The following PAK1 variants were observed in gnomAD, a reference collection of about 807,000 sequenced individuals.
PAK1 encodes p21 (RAC1) activated kinase 1, also known as serine/threonine-protein kinase PAK 1.
In PAK1, 29 loss-of-function variants were observed where a neutral mutation model predicts 67.4. The ratio of observed to expected loss-of-function variants is 0.43; its 90% CI spans 0.32 to 0.59. The LOEUF is 0.59. PAK1 is among the 20% of genes least tolerant of loss of function. The pLI, the probability that PAK1 is intolerant of heterozygous loss-of-function variation, is 0.07. For missense variants in PAK1, 337 were observed against 670.7 expected (o/e 0.50, Z 5.50); for synonymous variants, 223 against 237.4 (o/e 0.94, Z 0.56).
the PAK1 span, among the ~76,000 whole-genome samples, chr11:77,495,964 T>C: frequency 6.6e-6 from 1 of 151,670 alleles, no homozygotes; most frequent in African/African-American, 2.4e-5. Context: ...TGAAGATGGA[T>C]GGTAGTGGTA....
rs1351133366 is a variant in PAK1, at chr11:77,322,095, T to C, written c.*1179A>G. On this transcript the variant is annotated 3_prime_UTR_variant, in exon 15 of 15. Coordinates refer to ENST00000356341, the MANE Select transcript of PAK1 (RefSeq NM_002576.5). ...AGTAGTACCTCAGAGCATGAGAAGG[T>C]AGTCAATGGGGCTGACATGACAAGC... 1 of 218,828 alleles carries C rather than the reference T, an allele frequency of 4.6e-6. No individual in the cohort carries two copies. The highest frequency in any genetic ancestry group is 5.8e-5 in the Admixed American group (1 of 17,264). 13.6% of individuals were successfully genotyped at this position (218,828 alleles called of 1,614,324 possible).
intron 5 of PAK1, among the ~76,000 whole-genome samples, chr11:77,367,964 C>T (rs555820867): frequency 2.0e-5 from 3 of 152,220 alleles, no homozygotes; most frequent in South Asian, 4.1e-4. Flanking sequence ...GGTGACAGAA[C>T]GAGACTCCGT....
At chr11:77,502,366 A>G in the PAK1 span, among the ~76,000 whole-genome samples, 1 of 152,250 alleles carries the variant, frequency 6.6e-6, no homozygotes, top group Non-Finnish European at 1.5e-5. Flanking sequence ...AGAATATACA[A>G]TCACACAGTT....
chr11:77,494,150 A>T, the PAK1 span, among the ~76,000 whole-genome samples: 1 of 152,378 alleles, frequency 6.6e-6, no homozygotes, highest in East Asian at 1.9e-4. Flanking sequence ...GAAAAAAAAT[A>T]GCACAAATAC....
chr11:77,454,676 C>T (rs1957006988), intron 1 of PAK1, among the ~76,000 whole-genome samples: 2 of 152,190 alleles, frequency 1.3e-5, no homozygotes, highest in African/African-American at 4.8e-5. Context: ...AGATGTGGCT[C>T]CAGAATTTGC....
At chr11:77,351,673 T>A (rs1436065067) in intron 8 of PAK1, among the ~76,000 whole-genome samples, 1 of 152,048 alleles carries the variant, frequency 6.6e-6, no homozygotes, top group African/African-American at 2.4e-5. Context: ...AGATGTGAAC[T>A]GTAGAATGCT....
intron 1 of PAK1, among the ~76,000 whole-genome samples, chr11:77,400,908 T>C (rs1236635917): frequency 6.6e-6 from 1 of 152,134 alleles, no homozygotes; most frequent in Non-Finnish European, 1.5e-5. Context: ...AAGCAAAGCT[T>C]CAAAGATGCT....
At chr11:77,329,070 C>G (rs1350812381) in intron 14 of PAK1, 1 of 152,180 alleles carries the variant, frequency 6.6e-6, no homozygotes, top group Non-Finnish European at 1.5e-5. Flanking sequence ...TACATCCTCC[C>G]AAGACTAAAC....
the PAK1 span, among the ~76,000 whole-genome samples, chr11:77,503,468 A>C: frequency 2.0e-5 from 3 of 152,220 alleles, no homozygotes; most frequent in African/African-American, 7.2e-5. Context: ...TGGTCTCAGG[A>C]CCTTTTTACA....
the PAK1 span, among the ~76,000 whole-genome samples, chr11:77,497,757 G>A: frequency 1.3e-5 from 2 of 152,202 alleles, no homozygotes; most frequent in African/African-American, 4.8e-5. Context: ...CTCTTGCTGT[G>A]TCCTCTGATT....
intron 5 of PAK1, among the ~76,000 whole-genome samples, chr11:77,369,412 A>G (rs963913788): frequency 1.5e-4 from 18 of 122,566 alleles, no homozygotes; most frequent in Non-Finnish European, 2.7e-4. Context: ...CTATTCACTT[A>G]TATGCATTTG....
chr11:77,520,304 A>C, the PAK1 span, among the ~76,000 whole-genome samples: 2 of 152,214 alleles, frequency 1.3e-5, no homozygotes, highest in East Asian at 1.9e-4. Flanking sequence ...TCTCCCTCAG[A>C]GGCCTATCTA....
chr11:77,406,049 C>A (rs1366016193), intron 1 of PAK1, among the ~76,000 whole-genome samples: 3 of 152,192 alleles, frequency 2.0e-5, no homozygotes, highest in Non-Finnish European at 4.4e-5. Context: ...CTGTCTACTC[C>A]TACCTCGTTT....
At chr11:77,449,252 G>A (rs931613889) in intron 1 of PAK1, among the ~76,000 whole-genome samples, 3 of 152,180 alleles carry the variant, frequency 2.0e-5, no homozygotes, top group Non-Finnish European at 1.5e-5. Context: ...CCTCAAAAGG[G>A]AACACTAGCC....
At chr11:77,354,055 A>C (rs564170505) in intron 7 of PAK1, among the ~76,000 whole-genome samples, 216 of 152,258 alleles carry the variant, frequency 1.4e-3, no homozygotes, top group Middle Eastern at 0.014. Context: ...CACACACACA[A>C]AAAAAAGACT....
chr11:77,339,230 C>T (rs1364675184), intron 11 of PAK1, among the ~76,000 whole-genome samples: 1 of 151,980 alleles, frequency 6.6e-6, no homozygotes, highest in African/African-American at 2.4e-5. Context: ...TTGCAATTTC[C>T]ATTTTACAGA....
intron 8 of PAK1, 34 bp from the exon 9 acceptor site, chr11:77,349,321 A>C (rs1944906083): frequency 6.5e-7 from 1 of 1,541,774 alleles, no homozygotes; most frequent in Non-Finnish European, 8.9e-7. Flanking sequence ...AGAGGGAAAA[A>C]AACACAGTGT....
At chr11:77,367,633 C>T (rs183994809) in intron 5 of PAK1, among the ~76,000 whole-genome samples, 102 of 152,222 alleles carry the variant, frequency 6.7e-4, no homozygotes, top group East Asian at 3.3e-3. Context: ...TAAAAACCAA[C>T]GCAAGGAAAA....
rs556302128 is a variant in PAK1 at position 77,469,017 on chromosome 11, G to A, written c.-22+4535C>T. ...TCCTGTATGAATGATAAATGTAAAC[G>A]AATGTAAATCTGTCTTCACCAAGCC... is the stretch of plus-strand genomic sequence containing the variant. On this transcript the variant is annotated intron_variant, in intron 1 of 14. Transcript: ENST00000356341. Among the ~76,000 whole-genome samples the A allele has an allele frequency of 3.5e-4, 54 of 152,120 alleles. 1 individual carries two copies. In the South Asian group the frequency reaches 8.1e-3, roughly 23 times the overall value.
Sources: gnomAD v4.1 joint callset for allele counts (sites outside exome capture counted in the v4.1 genomes callset) on GRCh38, gnomAD v4.1.1 for gene constraint, MANE v1.5 for transcripts, NCBI Gene and HGNC (gene_info 2026-07-23, HGNC 2026-07-21) for gene names.